Variants in TMEM260 observed in about 807,000 individuals in gnomAD.
TMEM260 encodes transmembrane protein 260.
Under a neutral mutation model 88.9 loss-of-function variants are expected in TMEM260, and 82 were observed. The observed-to-expected ratio is 0.92, with a 90% confidence interval of 0.77 to 1.11. The LOEUF (loss-of-function observed/expected upper bound fraction) is 1.11. Ranked by LOEUF, TMEM260 falls within the 50% of genes least tolerant of loss-of-function variation. The pLI, the probability that TMEM260 is intolerant of heterozygous loss-of-function variation, is 0.00. For missense variants in TMEM260, 902 were observed against 853.4 expected, an observed-to-expected ratio of 1.06 and a Z score of -0.71; for synonymous variants, 314 against 309.3, an observed-to-expected ratio of 1.02 and a Z score of -0.16.
At chr14:56,597,687 C>T (rs765229711) in intron 3 of TMEM260, among the ~76,000 whole-genome samples, 9 of 151,970 alleles carry the variant, frequency 5.9e-5, no homozygotes, top group Non-Finnish European at 1.0e-4. Flanking sequence ...AGATGGCTTA[C>T]CATGTTGTTG....
At chr14:56,604,541 A>G (rs1288311936) in intron 4 of TMEM260, among the ~76,000 whole-genome samples, 1 of 152,210 alleles carries the variant, frequency 6.6e-6, no homozygotes, top group African/African-American at 2.4e-5. Context: ...ATACATTGGG[A>G]AATGCCAAAT....
intron 13 of TMEM260, chr14:56,633,479 T>C (rs933326193): frequency 2.1e-5 from 4 of 188,758 alleles, no homozygotes; most frequent in Non-Finnish European, 4.4e-5. Flanking sequence ...TATAGCTCAT[T>C]ACCCTAAAAG....
intron 11 of TMEM260, 41 bp downstream of exon 11, chr14:56,621,743 T>G: frequency 1.3e-6 from 2 of 1,534,392 alleles, no homozygotes; most frequent in Non-Finnish European, 1.8e-6. Flanking sequence ...AGCGATGATT[T>G]AAAAACATAT....
At chr14:56,642,797 A>C (rs1488390052) in intron 15 of TMEM260, among the ~76,000 whole-genome samples, 1 of 152,234 alleles carries the variant, frequency 6.6e-6, no homozygotes, top group Non-Finnish European at 1.5e-5. Flanking sequence ...AGAAGAATCA[A>C]ACAGATGCAA....
chr14:56,621,630 G>T lies in TMEM260; in HGVS notation c.1326G>T (p.Leu442Phe), dbSNP rs766605227. The change falls in exon 11 of 16, where the codon TTG becomes TTT. Residue 442 changes from leucine to phenylalanine, a missense_variant. By Grantham distance (22) the Leu-to-Phe change is conservative. Transcript: ENST00000261556. ...HDAIILLRGDLPGNSLRYMHY... is the reference protein window; with the variant it reads ...HDAIILLRGDFPGNSLRYMHY... ...CAATTATCTTACTCAGAGGAGATTT[G>T]CCAGGAAATTCTCTCCGTTACATGC... The T allele has an allele frequency of 3.1e-6, 5 of 1,613,298 alleles. No homozygotes were observed. Among genetic ancestry groups the T allele is most frequent in the Non-Finnish European group, 4.2e-6 (5 of 1,179,726 alleles).
At chr14:56,614,343 C>T (rs1036883115) in intron 7 of TMEM260, among the ~76,000 whole-genome samples, 1 of 151,768 alleles carries the variant, frequency 6.6e-6, no homozygotes, top group African/African-American at 2.4e-5. Flanking sequence ...TCATGCCACT[C>T]CAGCCTAGGC....
At position 56,609,286 on chromosome 14, in the gene TMEM260, G is replaced by C. The variant is rs1219917766; in HGVS notation, c.816+1G>C. On this transcript the variant is annotated splice_donor_variant, in intron 6 of 15. Coordinates refer to ENST00000261556, the MANE Select transcript of TMEM260 (RefSeq NM_017799.4). LOFTEE classifies it high-confidence loss of function. Reference sequence around the variant, plus strand: ...GGAAGAATATGGAACCTTCAGCCTGGTAAATTCAGATTTAAAGCCCTTCTA... The same window carrying C: ...GGAAGAATATGGAACCTTCAGCCTGCTAAATTCAGATTTAAAGCCCTTCTA... 1 of 1,613,100 alleles carries C rather than the reference G, an allele frequency of 6.2e-7. No homozygotes were observed.
chr14:56,635,975 T>A (rs536016130), intron 14 of TMEM260, among the ~76,000 whole-genome samples: 2 of 152,096 alleles, frequency 1.3e-5, no homozygotes, highest in Non-Finnish European at 2.9e-5. Flanking sequence ...ATATACCATA[T>A]GTTTGCATAA....
chr14:56,583,170 G>A (rs1885247706), intron 1 of TMEM260, among the ~76,000 whole-genome samples: 1 of 152,276 alleles, frequency 6.6e-6, no homozygotes, highest in African/African-American at 2.4e-5. Context: ...AAAGACTTAA[G>A]AGCTAATCCA....
intron 1 of TMEM260, 113 bp downstream of exon 1, chr14:56,580,187 A>C (rs934015134): frequency 1.2e-6 from 1 of 844,564 alleles, no homozygotes; most frequent in Non-Finnish European, 1.6e-6. Context: ...CTGGGCCTCC[A>C]TCCACCCCCC....
At chr14:56,588,436 G>A (rs1885646828) in intron 3 of TMEM260, among the ~76,000 whole-genome samples, 1 of 151,904 alleles carries the variant, frequency 6.6e-6, no homozygotes, top group Non-Finnish European at 1.5e-5. Flanking sequence ...ATTTTTTTCA[G>A]TAAACATGAC....
intron 15 of TMEM260, among the ~76,000 whole-genome samples, chr14:56,638,624 A>G (rs1270641543): frequency 1.3e-5 from 2 of 152,168 alleles, no homozygotes; most frequent in Non-Finnish European, 2.9e-5. Context: ...ATGTGTGACA[A>G]TGTTTACAAG....
intron 10 of TMEM260, among the ~76,000 whole-genome samples, chr14:56,619,903 G>T (rs1263239970): frequency 2.0e-5 from 3 of 152,132 alleles, no homozygotes; most frequent in Non-Finnish European, 4.4e-5. Context: ...CCCATCAGTG[G>T]CAGATTGGAA....
intron 1 of TMEM260, 94 bp downstream of exon 1, chr14:56,580,168 T>TG: frequency 1.9e-6 from 2 of 1,067,308 alleles, no homozygotes; most frequent in Non-Finnish European, 2.4e-6. Flanking sequence ...GCATTCGGTC[T>TG]GGTCAGCTCT....
intron 5 of TMEM260, 144 bp from the exon 6 acceptor site, chr14:56,608,962 A>G (rs1887080739): frequency 5.7e-6 from 5 of 870,972 alleles, no homozygotes; most frequent in Non-Finnish European, 7.1e-6. Flanking sequence ...AAGGTTTAAC[A>G]TAGTATTCTG....
At chr14:56,638,320 T>TAAAA (rs1280870247) in intron 15 of TMEM260, 8 of 150,520 alleles carry the variant, frequency 5.3e-5, no homozygotes, top group Admixed American at 4.6e-4. Context: ...ATTTTTTTTC[T>TAAAA]AAAAAAGAAA....
At chr14:56,614,140 C>T (rs1229929849) in intron 7 of TMEM260, among the ~76,000 whole-genome samples, 1 of 150,992 alleles carries the variant, frequency 6.6e-6, no homozygotes, top group Non-Finnish European at 1.5e-5. Flanking sequence ...AACTCTTGAC[C>T]TCAGGTGATC....
intron 5 of TMEM260, among the ~76,000 whole-genome samples, chr14:56,606,872 G>T (rs747388679): frequency 2.0e-5 from 3 of 152,210 alleles, no homozygotes; most frequent in Non-Finnish European, 4.4e-5. Context: ...TCCAGCCTGG[G>T]TGACAGAGAA....
At chr14:56,645,731 G>C (rs1889925417) in intron 15 of TMEM260, among the ~76,000 whole-genome samples, 2 of 152,204 alleles carry the variant, frequency 1.3e-5, no homozygotes, top group South Asian at 4.2e-4. Flanking sequence ...TTTGAAAACT[G>C]AACAGTTCCT....
Sources: allele counts gnomAD v4.1 joint callset (sites outside exome capture counted in the v4.1 genomes callset), GRCh38; gene constraint gnomAD v4.1.1; transcripts MANE v1.5; gene names NCBI Gene and HGNC (gene_info 2026-07-23, HGNC 2026-07-21).